The following ITFG1 variants were observed in gnomAD, a reference collection of about 807,000 sequenced individuals.
ITFG1 encodes integrin alpha FG-GAP repeat containing 1, also known as T-cell immunomodulatory protein.
A neutral mutation model predicts 81.8 loss-of-function variants in ITFG1; 34 were observed. That is an observed-to-expected ratio of 0.42 (90% confidence interval 0.32 to 0.55). ITFG1 has a LOEUF of 0.55. Among genes scored for constraint, ITFG1 ranks in the 20% least tolerant of loss-of-function variants. ITFG1 has a pLI of 0.17. For missense variants in ITFG1, 672 were observed against 755.4 expected (o/e 0.89, Z 1.29); for synonymous variants, 285 against 270.6 (o/e 1.05, Z -0.52).
intron 10 of ITFG1, among the ~76,000 whole-genome samples, chr16:47,296,890 C>T (rs942397872): frequency 3.1e-4 from 47 of 152,010 alleles, no homozygotes; most frequent in Admixed American, 2.2e-3. Flanking sequence ...TTCCATGTTC[C>T]GATGAGAAGA....
rs552577379 is a variant in ITFG1 at position 47,155,673 on chromosome 16, A to T, written c.*46T>A. On this transcript the variant is annotated 3_prime_UTR_variant, in exon 18 of 18. Transcript: ENST00000320640. Reference sequence around the variant, plus strand: ...TTTTCAAGCCAGAATTTGTGTTTCAACTAATCAAGTGAACAGCCATTCCAT... The same window carrying T: ...TTTTCAAGCCAGAATTTGTGTTTCATCTAATCAAGTGAACAGCCATTCCAT... The T allele has an allele frequency of 4.6e-6, 6 of 1,305,760 alleles. No homozygotes were observed. The highest frequency in any genetic ancestry group is 1.9e-4 in the Middle Eastern group (1 of 5,372). The allele number at this position is 1,305,760 out of a possible 1,614,324, so 80.9% of individuals were successfully genotyped here. A position where few individuals can be genotyped will look rare whatever the true frequency, so the allele number is the denominator to read the frequency against.
intron 6 of ITFG1, among the ~76,000 whole-genome samples, chr16:47,405,802 C>T (rs1329208168): frequency 1.3e-5 from 2 of 151,650 alleles, no homozygotes; most frequent in Admixed American, 6.6e-5. Flanking sequence ...AAAGACTAAA[C>T]GTTTGTTGCA....
chr16:47,271,530 C>G (rs778812721), intron 10 of ITFG1, among the ~76,000 whole-genome samples: 9 of 152,096 alleles, frequency 5.9e-5, no homozygotes, highest in South Asian at 4.1e-4. Flanking sequence ...AAATGGCAAA[C>G]CTGCTTTGAA....
At chr16:47,384,968 T>C (rs1968441895) in intron 6 of ITFG1, among the ~76,000 whole-genome samples, 2 of 152,192 alleles carry the variant, frequency 1.3e-5, no homozygotes, top group African/African-American at 4.8e-5. Flanking sequence ...TGACAAATAC[T>C]ATGTGGTAAT....
intron 6 of ITFG1, among the ~76,000 whole-genome samples, chr16:47,387,162 AAG>A (rs1968473086): frequency 6.6e-6 from 1 of 152,220 alleles, no homozygotes; most frequent in East Asian, 1.9e-4. Flanking sequence ...GAAGGAGACA[AAG>A]AGAGCCCTGC....
At chr16:47,452,420 G>A (rs1190961127) in intron 4 of ITFG1, among the ~76,000 whole-genome samples, 1 of 152,094 alleles carries the variant, frequency 6.6e-6, no homozygotes, top group African/African-American at 2.4e-5. Context: ...AGAGGAAACT[G>A]TATCCTAAAT....
chr16:47,320,275 C>T (rs1227974625), intron 8 of ITFG1, among the ~76,000 whole-genome samples: 2 of 152,170 alleles, frequency 1.3e-5, no homozygotes, highest in Non-Finnish European at 2.9e-5. Context: ...GCAGCCCTTT[C>T]AAAATTAAGA....
intron 14 of ITFG1, among the ~76,000 whole-genome samples, chr16:47,209,532 T>C (rs149627077): frequency 6.6e-6 from 1 of 152,314 alleles, no homozygotes; most frequent in East Asian, 1.9e-4. Flanking sequence ...ATAGAAATAA[T>C]GCAAAGATCC....
At chr16:47,179,978 CT>C (rs1230064260) in intron 14 of ITFG1, among the ~76,000 whole-genome samples, 1 of 152,170 alleles carries the variant, frequency 6.6e-6, no homozygotes, top group Non-Finnish European at 1.5e-5. Context: ...TATATCTGAA[CT>C]CAGTTTATAG....
chr16:47,372,911 C>T (rs540626068), intron 7 of ITFG1, among the ~76,000 whole-genome samples: 96 of 152,272 alleles, frequency 6.3e-4, no homozygotes, highest in Non-Finnish European at 7.4e-4. Flanking sequence ...CCTAAATTTA[C>T]TATAAACTTT....
intron 6 of ITFG1, among the ~76,000 whole-genome samples, chr16:47,384,033 A>T (rs945582174): frequency 6.6e-6 from 1 of 152,252 alleles, no homozygotes; most frequent in South Asian, 2.1e-4. Context: ...TCATGACATG[A>T]TGGACTCCTA....
At chr16:47,439,498 T>C (rs982035840) in intron 5 of ITFG1, among the ~76,000 whole-genome samples, 1 of 152,126 alleles carries the variant, frequency 6.6e-6, no homozygotes, top group African/African-American at 2.4e-5. Flanking sequence ...CGGCAGAAAC[T>C]CTACAAGCCA....
intron 7 of ITFG1, among the ~76,000 whole-genome samples, chr16:47,366,357 A>G (rs1392469414): frequency 2.0e-5 from 3 of 152,184 alleles, no homozygotes; most frequent in Admixed American, 1.3e-4. Context: ...TTGAAATGAG[A>G]GGAGAATTTC....
intron 8 of ITFG1, among the ~76,000 whole-genome samples, chr16:47,326,990 GA>G (rs1391332166): frequency 6.6e-6 from 1 of 152,072 alleles, no homozygotes; most frequent in Non-Finnish European, 1.5e-5. Flanking sequence ...AGTGCATATG[GA>G]ACCAAAAAAG....
chr16:47,284,621 T>C (rs987925376), intron 10 of ITFG1, among the ~76,000 whole-genome samples: 1 of 152,192 alleles, frequency 6.6e-6, no homozygotes, highest in Non-Finnish European at 1.5e-5. Context: ...TAATGCATAA[T>C]GGGTCAAGTC....
intron 10 of ITFG1, among the ~76,000 whole-genome samples, chr16:47,266,903 A>G (rs1966282602): frequency 1.3e-5 from 2 of 152,244 alleles, no homozygotes; most frequent in South Asian, 4.1e-4. Context: ...GACATGGCTG[A>G]ACCTTAAAAA....
chr16:47,368,630 G>T (rs1209635047), intron 7 of ITFG1, among the ~76,000 whole-genome samples: 1 of 138,708 alleles, frequency 7.2e-6, no homozygotes, highest in Non-Finnish European at 1.5e-5. Context: ...AATGTTTCAT[G>T]AATGAATGGA....
intron 6 of ITFG1, among the ~76,000 whole-genome samples, chr16:47,390,716 T>G (rs1222186013): frequency 6.6e-6 from 1 of 152,158 alleles, no homozygotes; most frequent in African/African-American, 2.4e-5. Flanking sequence ...CACCTCGGCC[T>G]CTCAAAGTGC....
At position 47,421,528 on chromosome 16, in the gene ITFG1, C is replaced by T. The variant is rs922865956; in HGVS notation, c.655+7276G>A. Among the ~76,000 whole-genome samples the T allele has an allele frequency of 2.6e-5, 4 of 152,070 alleles. No individual in the cohort carries two copies. The South Asian group carries it at 8.3e-4, about 32-fold the overall frequency. ...GAATGTTGGCAAGGATGGTCTTGAT[C>T]TCCTGACCTCATGATCCGCCCGCCT... On this transcript the variant is annotated intron_variant, in intron 6 of 17. Transcript: ENST00000320640.
Sources: gnomAD v4.1 joint callset for allele counts (sites outside exome capture counted in the v4.1 genomes callset) on GRCh38, gnomAD v4.1.1 for gene constraint, MANE v1.5 for transcripts, NCBI Gene and HGNC (gene_info 2026-07-23, HGNC 2026-07-21) for gene names.